Variants in COL1A1 observed in about 807,000 individuals in gnomAD.
The protein encoded by COL1A1 is collagen alpha-1(I) chain.
COL1A1 carries 21 observed loss-of-function variants against 195.7 expected under a neutral mutation model. The observed-to-expected ratio is 0.11, with a 90% CI of 0.08 to 0.15. The LOEUF (loss-of-function observed/expected upper bound fraction) is 0.15, where lower values mean the gene tolerates loss of function less well. Ranked by LOEUF, COL1A1 falls within the 10% of genes least tolerant of loss-of-function variation. COL1A1 has a pLI of 1.00. For synonymous variants in COL1A1, 749 were observed against 747.3 expected (o/e 1.00, Z -0.04); for missense variants, 1,365 against 2,051.0 (o/e 0.67, Z 6.46).
In COL1A1 at chr17:50,186,414, G is replaced by C; in HGVS notation, c.3908C>G (p.Thr1303Ser). 1 of 1,614,214 alleles carries C rather than the reference G, an allele frequency of 6.2e-7. No homozygotes were observed. Among genetic ancestry groups the C allele is most frequent in the South Asian group, 1.1e-5 (1 of 91,086 alleles). Reference sequence around the variant, plus strand: ...GTTCTTCTGGGCCACACTGGGCTGAGTGGGGTACACGCAGGTCTCACCAGT... The same window carrying C: ...GTTCTTCTGGGCCACACTGGGCTGACTGGGGTACACGCAGGTCTCACCAGT... Reference protein sequence around the residue: ...METGETCVYPTQPSVAQKNWY... With the variant: ...METGETCVYPSQPSVAQKNWY... The change falls in exon 49 of 51, where the codon ACT (threonine) becomes AGT (serine). Residue 1303 changes from threonine to serine, a missense_variant. Thr to Ser is a moderately conservative substitution (Grantham distance 58, BLOSUM62 1). Around this residue, in one of 5 missense-constraint regions of COL1A1, gnomAD observed 273 missense variants for 338.6 expected, o/e 0.81. Transcript: ENST00000225964. The surrounding 1 kb of genome is among the most constrained non-coding windows in gnomAD (Gnocchi z 5.3).
chr17:50,194,186 A>G lies in COL1A1; in HGVS notation c.1615-3T>C, dbSNP rs1182706124. ...CTGCCAGGGCTTCCAGTCAGACCCT[A>G]GGGAGGCAGAGAGGTATGAGTGGGA... On this transcript the variant is annotated splice_region_variant and splice_polypyrimidine_tract_variant and intron_variant, in intron 23 of 50. Coordinates refer to ENST00000225964, the MANE Select transcript of COL1A1 (RefSeq NM_000088.4). This position sits in a 1 kb window ranked among gnomAD's most constrained non-coding sequence, Gnocchi z 6.8. The G allele has an allele frequency of 1.2e-6, 2 of 1,613,314 alleles. No individual in the cohort carries two copies. The highest frequency in any genetic ancestry group is 1.7e-5 in the Admixed American group (1 of 59,988).
rs759541023 is a variant in COL1A1, at chr17:50,201,604, C to T, written c.-91G>A. On this transcript the variant is annotated 5_prime_UTR_variant, in exon 1 of 51. Coordinates refer to ENST00000225964, the MANE Select transcript of COL1A1 (RefSeq NM_000088.4). ...CCTCACACTCCGCGTGCCTCCTGCT[C>T]CGACCCCGAGGAGAAACTCCCGTCT... 18 of 1,180,144 alleles carry T rather than the reference C, an allele frequency of 1.5e-5. No individual in the cohort carries two copies. The highest frequency in any genetic ancestry group is 2.3e-5 in the Admixed American group (1 of 43,368). The allele number at this position is 1,180,144 out of a possible 1,614,324, so 73.1% of individuals were successfully genotyped here. A position where few individuals can be genotyped will look rare whatever the true frequency, so the allele number is the denominator to read the frequency against.
At position 50,189,213 on chromosome 17, in the gene COL1A1, A is replaced by G. The variant is rs753585193; in HGVS notation, c.2892T>C (p.Pro964=). The G allele has an allele frequency of 1.2e-6, 2 of 1,613,998 alleles. No individual in the cohort carries two copies. The highest frequency in any genetic ancestry group is 1.7e-5 in the Admixed American group (1 of 60,016). ...IAGQRGVVGL[P]GQRGERGFPG... ...GGAAGCCTCTCTCTCCTCTCTGACC[A>G]GGCAGGCCGACCACACCACGCTGTC... Residue 964 remains proline, a synonymous_variant, in exon 40 of 51, where the codon CCT becomes CCC. Coordinates refer to ENST00000225964, the MANE Select transcript of COL1A1 (RefSeq NM_000088.4). This position sits in a 1 kb window ranked among gnomAD's most constrained non-coding sequence, Gnocchi z 5.5.
Position 50,190,066 on chromosome 17 carries a change from C to T in COL1A1, c.2494G>A (p.Ala832Thr), listed in dbSNP as rs1327524415. Residue 832 changes from alanine to threonine, a missense_variant, in exon 36 of 51, where the codon GCT (alanine) becomes ACT (threonine). Transcript: ENST00000225964. The surrounding 1 kb of genome is among the most constrained non-coding windows in gnomAD (Gnocchi z 4.7). ...QPGAKGEPGDAGAKGDAGPPG... is the reference protein window; with the variant it reads ...QPGAKGEPGDTGAKGDAGPPG... ...GGACCAGCATCGCCTTTAGCACCAG[C>T]ATCACCAGGTTCGCCTTTAGCACCA... 2 of 1,612,828 alleles carry T rather than the reference C, an allele frequency of 1.2e-6. No homozygotes were observed. Among genetic ancestry groups the T allele is most frequent in the Middle Eastern group, 1.7e-4 (1 of 6,048 alleles).
At chr17:50,197,637 G>T (rs1180379742) in intron 9 of COL1A1, 95 bp downstream of exon 9, 15 of 1,036,012 alleles carry the variant, frequency 1.4e-5, no homozygotes, top group Non-Finnish European at 2.2e-5. Flanking sequence ...TCCTTCCTCT[G>T]AGTATCGTTC....
Position 50,195,698 on chromosome 17 carries a change from C to A in COL1A1, c.1057-33G>T, listed in dbSNP as rs1323405227. 6.2e-7 allele frequency: 1 copy of A among 1,602,762 alleles called. No individual in the cohort carries two copies. The highest frequency in any genetic ancestry group is 1.7e-5 in the Admixed American group (1 of 59,138). ...AGAAGAAAGGACATATCAGAAGCCA[C>A]CCTGGGAAACCCAACCTTGCCTCTC... On this transcript the variant is annotated intron_variant, in intron 16 of 50. Coordinates refer to ENST00000225964, the MANE Select transcript of COL1A1 (RefSeq NM_000088.4). The surrounding 1 kb of genome is among the most constrained non-coding windows in gnomAD (Gnocchi z 4.3).
chr17:50,198,345 C>T, intron 6 of COL1A1, 88 bp downstream of exon 6: 2 of 1,552,896 alleles, frequency 1.3e-6, no homozygotes, highest in Non-Finnish European at 1.8e-6. Context: ...ATCTGGACCT[C>T]CCAAGCTGTC....
At chr17:50,198,648 G>A (rs146232071) in intron 5 of COL1A1, 144 bp from the exon 6 acceptor site, 1 of 714,440 alleles carries the variant, frequency 1.4e-6, no homozygotes, top group Admixed American at 2.1e-5. Context: ...TTCCTGCAAA[G>A]ATGCATCCCT....
In COL1A1 at chr17:50,190,106, A is replaced by T. The variant is rs1196802896; in HGVS notation, c.2454T>A (p.Gly818=). The change falls in exon 36 of 51, where the codon GGT becomes GGA. Residue 818 remains glycine, a splice_region_variant and synonymous_variant. Coordinates refer to ENST00000225964, the MANE Select transcript of COL1A1 (RefSeq NM_000088.4). This position sits in a 1 kb window ranked among gnomAD's most constrained non-coding sequence, Gnocchi z 4.7. ...PGPAGFAGPP[G]ADGQPGAKGE... ...CTTTAGCACCAGGTTGGCCGTCAGCACCCTGGGGGAGGAAGCAGGGCGGTG... is the reference window on the plus strand; with the variant it reads ...CTTTAGCACCAGGTTGGCCGTCAGCTCCCTGGGGGAGGAAGCAGGGCGGTG... 2 of 1,613,398 alleles carry T rather than the reference A, an allele frequency of 1.2e-6. No individual in the cohort carries two copies. Among genetic ancestry groups the T allele is most frequent in the Non-Finnish European group, 1.7e-6 (2 of 1,179,798 alleles).
rs576642748 is a variant in COL1A1, at chr17:50,186,225, C to T, written c.4005+92G>A. On this transcript the variant is annotated intron_variant, in intron 49 of 50. Coordinates refer to ENST00000225964, the MANE Select transcript of COL1A1 (RefSeq NM_000088.4). This position sits in a 1 kb window ranked among gnomAD's most constrained non-coding sequence, Gnocchi z 5.3. ...TCCCAGCCCAGCTCTGTCCATCACC[C>T]TTAGCAGAGACCTACTCCAGGACTT... 3.8e-6 allele frequency: 6 copies of T among 1,572,108 alleles called. No homozygotes were observed. The African/African-American group carries it at 8.1e-5, about 21-fold the overall frequency.
At chr17:50,197,875 A>G in intron 8 of COL1A1, 74 bp downstream of exon 8, 2 of 1,588,828 alleles carry the variant, frequency 1.3e-6, no homozygotes, top group Non-Finnish European at 1.7e-6. Context: ...GGAAGACCCC[A>G]GGCCTGGGAG....
intron 15 of COL1A1, 88 bp downstream of exon 15, chr17:50,196,067 A>G: frequency 6.2e-7 from 1 of 1,606,656 alleles, no homozygotes; most frequent in East Asian, 2.2e-5. Context: ...GTTCAGACCA[A>G]CATAACCTGC....
In COL1A1 at chr17:50,189,833, T is replaced by C; in HGVS notation, c.2613+26A>G. On this transcript the variant is annotated intron_variant, in intron 37 of 50. Coordinates refer to ENST00000225964, the MANE Select transcript of COL1A1 (RefSeq NM_000088.4). The surrounding 1 kb of genome is among the most constrained non-coding windows in gnomAD (Gnocchi z 5.5). ...CGCTGCCTGGGGAGAGGGGAGAGGC[T>C]CAACAGAGAGGCGGGTGATACTCAC... 1 of 1,612,356 alleles carries C rather than the reference T, an allele frequency of 6.2e-7. No homozygotes were observed. The highest frequency in any genetic ancestry group is 8.5e-7 in the Non-Finnish European group (1 of 1,179,296).
Position 50,195,036 on chromosome 17 carries a change from G to A in COL1A1, c.1353+11C>T. The A allele has an allele frequency of 6.2e-7, 1 of 1,613,310 alleles. No homozygotes were observed. Among genetic ancestry groups the A allele is most frequent in the Non-Finnish European group, 8.5e-7 (1 of 1,179,590 alleles). On this transcript the variant is annotated intron_variant, in intron 20 of 50. Coordinates refer to ENST00000225964, the MANE Select transcript of COL1A1 (RefSeq NM_000088.4). This position sits in a 1 kb window ranked among gnomAD's most constrained non-coding sequence, Gnocchi z 4.3. ...GGGCTGGGCTGCAAGAAGGATGGCG[G>A]GGAGACTTACAGGCTCTCCCTTAGC... is the stretch of plus-strand genomic sequence containing the variant.
Position 50,195,195 on chromosome 17 carries a change from T to C in COL1A1, c.1299+37A>G, listed in dbSNP as rs755252083. ...CAGATGAGAGCCGCACTGGAGCCAG[T>C]GCATGGGGTGGGCAGAAGGGAGAGT... On this transcript the variant is annotated intron_variant, in intron 19 of 50. Transcript: ENST00000225964. The surrounding 1 kb of genome is among the most constrained non-coding windows in gnomAD (Gnocchi z 4.3). The C allele has an allele frequency of 8.7e-6, 14 of 1,608,432 alleles. No homozygotes were observed. In the South Asian group the frequency reaches 9.9e-5, roughly 11 times the overall value.
chr17:50,187,417 T>C, intron 46 of COL1A1, 67 bp downstream of exon 46: 1 of 1,558,688 alleles, frequency 6.4e-7, no homozygotes, highest in South Asian at 1.1e-5. Flanking sequence ...CCTGGGTCCC[T>C]GGCAAGGGTC....
intron 15 of COL1A1, 37 bp downstream of exon 15, chr17:50,196,118 C>T (rs756301005): frequency 7.1e-5 from 114 of 1,613,512 alleles, no homozygotes; most frequent in Non-Finnish European, 9.6e-5. Context: ...AGACCCCTCC[C>T]CACTCCCAGG....
chr17:50,200,530 C>A (rs1907993106), intron 1 of COL1A1, among the ~76,000 whole-genome samples: 1 of 152,232 alleles, frequency 6.6e-6, no homozygotes. Context: ...TCTTAAAAGC[C>A]CGCTCTCGGG....
rs756456877 is a variant in COL1A1, at chr17:50,187,991, A to G, written c.3262-8T>C. 1 of 1,614,008 alleles carries G rather than the reference A, an allele frequency of 6.2e-7. No homozygotes were observed. The highest frequency in any genetic ancestry group is 8.5e-7 in the Non-Finnish European group (1 of 1,179,934). On this transcript the variant is annotated splice_polypyrimidine_tract_variant and splice_region_variant and intron_variant, in intron 44 of 50. Coordinates refer to ENST00000225964, the MANE Select transcript of COL1A1 (RefSeq NM_000088.4). ...ACGGGGGCCTTGGGGTCCCTAGAAG[A>G]GAGAAAGGGACAAACTGTCAGGCGG...
Sources: allele counts gnomAD v4.1 joint callset (sites outside exome capture counted in the v4.1 genomes callset), GRCh38; gene constraint gnomAD v4.1.1; regional missense constraint gnomAD v4.1.1; non-coding constraint Gnocchi (gnomAD v3.1); transcripts MANE v1.5; gene names NCBI Gene and HGNC (gene_info 2026-07-23, HGNC 2026-07-21).